FNIP1: variants seen among roughly 807,000 people sequenced by gnomAD.
The protein encoded by FNIP1 is folliculin-interacting protein 1.
FNIP1 carries 40 observed loss-of-function variants against 124.5 expected under a neutral mutation model. That is an observed-to-expected ratio of 0.32 (90% confidence interval 0.25 to 0.42). The LOEUF is 0.42. Among genes scored for constraint, FNIP1 ranks in the 10% least tolerant of loss-of-function variants. The probability of loss-of-function intolerance (pLI) is 1.00; values close to 1 mark genes in which losing one functional copy is unlikely to be tolerated. For missense variants in FNIP1, 1,176 were observed against 1,403.7 expected (o/e 0.84, Z 2.59); for synonymous variants, 472 against 470.6 (o/e 1.00, Z -0.04).
Position 131,672,370 on chromosome 5 carries a change from A to G in FNIP1, c.2074T>C (p.Cys692Arg), listed in dbSNP as rs1023004867. 1 of 1,614,166 alleles carries G rather than the reference A, an allele frequency of 6.2e-7. No homozygotes were observed. ...VCTGSVPVDK[C>R]ALSESGLEST... ...TCTAAGCCTGACTCTGACAATGCAC[A>G]TTTGTCTACTGGAACAGATCCTGTG... The change falls in exon 14 of 18, where the codon TGT becomes CGT. Residue 692 changes from cysteine (C) to arginine (R), a missense_variant. Physicochemically the swap from Cys to Arg is radical, Grantham distance 180 (BLOSUM62 -3). This residue lies in a region of FNIP1 where 1,109 missense variants were observed against 1,288.5 expected (regional missense o/e 0.86). Transcript: ENST00000510461.
At chr5:131,723,844 T>C (rs1261110384) in intron 3 of FNIP1, among the ~76,000 whole-genome samples, 2 of 152,164 alleles carry the variant, frequency 1.3e-5, no homozygotes, top group Non-Finnish European at 2.9e-5. Context: ...TTTTTCCTAA[T>C]GCTATCCCTC....
intron 2 of FNIP1, among the ~76,000 whole-genome samples, chr5:131,731,330 T>C (rs1183240029): frequency 1.3e-5 from 2 of 152,164 alleles, no homozygotes; most frequent in Non-Finnish European, 2.9e-5. Context: ...TAATAATATA[T>C]TGCAGTAGTT....
chr5:131,795,848 G>T (rs1217883992), intron 1 of FNIP1: 1 of 151,680 alleles, frequency 6.6e-6, no homozygotes, highest in Non-Finnish European at 1.5e-5. Flanking sequence ...TGTACAACTG[G>T]GCTCTTTGCT....
At chr5:131,745,434 C>T (rs1327005170) in intron 1 of FNIP1, among the ~76,000 whole-genome samples, 3 of 152,010 alleles carry the variant, frequency 2.0e-5, no homozygotes, top group South Asian at 2.1e-4. Flanking sequence ...GTGGGAGGAT[C>T]GCTTGAGCCT....
chr5:131,767,045 C>T (rs769096935), intron 1 of FNIP1, among the ~76,000 whole-genome samples: 1 of 152,090 alleles, frequency 6.6e-6, no homozygotes, highest in Admixed American at 6.6e-5. Context: ...TTCCATAATC[C>T]AGTCAGGCTG....
At chr5:131,745,868 A>G (rs1479668611) in intron 1 of FNIP1, among the ~76,000 whole-genome samples, 1 of 152,228 alleles carries the variant, frequency 6.6e-6, no homozygotes, top group Admixed American at 6.5e-5. Flanking sequence ...TTTTTAAACT[A>G]TAAAGAAAAC....
intron 1 of FNIP1, among the ~76,000 whole-genome samples, chr5:131,781,350 A>C (rs561910177): frequency 6.6e-6 from 1 of 152,344 alleles, no homozygotes; most frequent in Admixed American, 6.5e-5. Context: ...AGTGTAGACA[A>C]AACAGCCTAT....
chr5:131,702,449 C>T (rs1768934945), intron 10 of FNIP1, among the ~76,000 whole-genome samples: 1 of 152,094 alleles, frequency 6.6e-6, no homozygotes, highest in Non-Finnish European at 1.5e-5. Flanking sequence ...ACAATCCCTA[C>T]CAAGTAAAAG....
rs1232698525 is a variant in FNIP1 at position 131,642,042 on chromosome 5, C to T, written c.*2643G>A. 1.3e-5 allele frequency: 2 copies of T among 152,422 alleles called. No homozygotes were observed. Among genetic ancestry groups the T allele is most frequent in the Admixed American group, 1.3e-4 (2 of 15,254 alleles). The allele number at this position is 152,422 out of a possible 1,614,324, so 9.4% of individuals were successfully genotyped here. A position where few individuals can be genotyped will look rare whatever the true frequency, so the allele number is the denominator to read the frequency against. Reference sequence around the variant, plus strand: ...AAGCCAGAAATATTTAAAATCAAACCAATTAGTTTATATACAAGAAAAAAT... The same window carrying T: ...AAGCCAGAAATATTTAAAATCAAACTAATTAGTTTATATACAAGAAAAAAT... On this transcript the variant is annotated 3_prime_UTR_variant, in exon 18 of 18. Transcript: ENST00000510461.
In FNIP1 at chr5:131,672,172, A is replaced by C. The variant is rs747511392; in HGVS notation, c.2272T>G (p.Ser758Ala). The C allele has an allele frequency of 3.1e-6, 5 of 1,614,226 alleles. No homozygotes were observed. The highest frequency in any genetic ancestry group is 3.4e-6 in the Non-Finnish European group (4 of 1,180,038). Residue 758 changes from serine to alanine, a missense_variant, in exon 14 of 18, where the codon TCT becomes GCT. Transcript: ENST00000510461. ...TCAGTATCTGAATCAGGTGACATAG[A>C]ATCCCCAATCAGGAAAGTAACCTTT... ...QTKVTFLIGD[S>A]MSPDSDTELR... is the part of the protein sequence containing the mutation.
At chr5:131,658,040 CAAAA>C (rs543062745) in intron 15 of FNIP1, among the ~76,000 whole-genome samples, 2 of 57,300 alleles carry the variant, frequency 3.5e-5, no homozygotes. Flanking sequence ...GACTCCATCT[CAAAA>C]AAAAAAAAAA....
At chr5:131,751,740 A>G (rs954255133) in intron 1 of FNIP1, among the ~76,000 whole-genome samples, 3 of 152,180 alleles carry the variant, frequency 2.0e-5, no homozygotes. Context: ...TAGGTTAAGG[A>G]AAAAAAGCCA....
At chr5:131,745,803 T>G (rs1770658143) in intron 1 of FNIP1, among the ~76,000 whole-genome samples, 1 of 152,194 alleles carries the variant, frequency 6.6e-6, no homozygotes, top group African/African-American at 2.4e-5. Flanking sequence ...ACTGTATTTT[T>G]CCACTTATAT....
intron 15 of FNIP1, among the ~76,000 whole-genome samples, chr5:131,653,610 T>G (rs1767107961): frequency 6.6e-6 from 1 of 152,058 alleles, no homozygotes; most frequent in African/African-American, 2.4e-5. Flanking sequence ...AATGAAAGTG[T>G]ATAGAAAAAA....
Position 131,647,098 on chromosome 5 carries a change from C to T in FNIP1, c.3414G>A (p.Val1138=). The T allele has an allele frequency of 1.2e-6, 2 of 1,614,048 alleles. No individual in the cohort carries two copies. Among genetic ancestry groups the T allele is most frequent in the Non-Finnish European group, 1.7e-6 (2 of 1,179,950 alleles). Residue 1138 remains valine (V), a synonymous_variant, in exon 17 of 18, where the codon GTG becomes GTA. Transcript: ENST00000510461. ...AGAAACCATTAACATACCCCAGAAC[C>T]ACTCCCAGCTCCTTGACATGAACAC... The part of the protein sequence containing the change: ...QMRVHVKELG[V]VLGIESSDLP...
chr5:131,742,807 G>A (rs949469753), intron 2 of FNIP1, among the ~76,000 whole-genome samples: 3 of 152,006 alleles, frequency 2.0e-5, no homozygotes, highest in Non-Finnish European at 4.4e-5. Context: ...ATAGAACCCA[G>A]GACAAACAAT....
intron 15 of FNIP1, among the ~76,000 whole-genome samples, chr5:131,656,655 C>T (rs1310758409): frequency 1.3e-5 from 2 of 150,558 alleles, no homozygotes; most frequent in Non-Finnish European, 2.9e-5. Flanking sequence ...CTTTTGCTGA[C>T]CAAGAGGCAA....
intron 11 of FNIP1, among the ~76,000 whole-genome samples, chr5:131,685,331 A>C (rs1369433206): frequency 2.0e-5 from 3 of 152,134 alleles, no homozygotes; most frequent in Admixed American, 1.3e-4. Flanking sequence ...AAAAACAAAA[A>C]CAATTTAAAC....
intron 12 of FNIP1, 95 bp from the exon 13 acceptor site, chr5:131,677,967 T>A (rs1211100463): frequency 7.9e-7 from 1 of 1,260,776 alleles, no homozygotes; most frequent in Non-Finnish European, 1.1e-6. Context: ...GTATATATGT[T>A]CATGTGGCCA....
Sources: gnomAD v4.1 joint callset for allele counts (sites outside exome capture counted in the v4.1 genomes callset) on GRCh38, gnomAD v4.1.1 for gene constraint, gnomAD v4.1.1 regional missense constraint, MANE v1.5 for transcripts, NCBI Gene and HGNC (gene_info 2026-07-23, HGNC 2026-07-21) for gene names.